NBEA: variants seen among roughly 807,000 people sequenced by gnomAD.
NBEA encodes neurobeachin.
A neutral mutation model predicts 343.4 loss-of-function variants in NBEA; 44 were observed. That is an observed-to-expected ratio of 0.13 (90% CI 0.10 to 0.16). NBEA has a LOEUF of 0.16. Ranked by LOEUF, NBEA falls within the 10% of genes least tolerant of loss-of-function variation. NBEA has a pLI of 1.00. For missense variants in NBEA, 2,555 were observed against 3,631.3 expected, an observed-to-expected ratio of 0.70 and a Z score of 7.62; for synonymous variants, 1,175 against 1,238.7, an observed-to-expected ratio of 0.95 and a Z score of 1.08.
intron 1 of NBEA, among the ~76,000 whole-genome samples, chr13:35,028,947 CTTCA>C (rs935734972): frequency 6.6e-6 from 1 of 151,584 alleles, no homozygotes; most frequent in Non-Finnish European, 1.5e-5. Flanking sequence ...TGTATCAGAA[CTTCA>C]TTCATTTTTA....
At chr13:35,492,187 C>A (rs892562849) in intron 41 of NBEA, among the ~76,000 whole-genome samples, 1 of 151,820 alleles carries the variant, frequency 6.6e-6, no homozygotes, top group Non-Finnish European at 1.5e-5. Context: ...AGTTTGGGAA[C>A]TCAGGGGGAA....
chr13:35,076,085 G>GTGGT (rs2064103676), intron 10 of NBEA, among the ~76,000 whole-genome samples: 1 of 151,738 alleles, frequency 6.6e-6, no homozygotes, highest in African/African-American at 2.4e-5. Flanking sequence ...TATGGAGGTG[G>GTGGT]TGGTTCTTAT....
chr13:35,448,774 GTGAACT>G (rs1484904125), intron 39 of NBEA, among the ~76,000 whole-genome samples: 1 of 146,824 alleles, frequency 6.8e-6, no homozygotes, highest in Non-Finnish European at 1.5e-5. Flanking sequence ...GGGTGGTGGG[GTGAACT>G]TGAACTTCAG....
chr13:35,470,167 A>G (rs1447447426), intron 40 of NBEA, among the ~76,000 whole-genome samples: 2 of 152,230 alleles, frequency 1.3e-5, no homozygotes, highest in Non-Finnish European at 2.9e-5. Context: ...TCTTTCTTAA[A>G]GAAAGACCAG....
At chr13:35,518,753 C>T (rs1387225006) in intron 41 of NBEA, among the ~76,000 whole-genome samples, 1 of 152,096 alleles carries the variant, frequency 6.6e-6, no homozygotes, top group African/African-American at 2.4e-5. Context: ...GCAGCAGTCA[C>T]AAGATCCCAA....
At chr13:35,099,380 A>G (rs1263268201) in intron 11 of NBEA, among the ~76,000 whole-genome samples, 2 of 151,774 alleles carry the variant, frequency 1.3e-5, no homozygotes, top group African/African-American at 4.8e-5. Context: ...TTGTATTTTT[A>G]GTAGAGACAG....
intron 38 of NBEA, among the ~76,000 whole-genome samples, chr13:35,429,165 C>T (rs1368273362): frequency 6.6e-6 from 1 of 152,204 alleles, no homozygotes; most frequent in African/African-American, 2.4e-5. Context: ...ACATGGTCTC[C>T]ACTGACTCCA....
chr13:35,418,126 A>G (rs1243310104), intron 38 of NBEA, among the ~76,000 whole-genome samples: 1 of 152,136 alleles, frequency 6.6e-6, no homozygotes, highest in South Asian at 2.1e-4. Flanking sequence ...TTTTGAGCCT[A>G]TGTGTGTGTC....
rs1007481790 is a variant in NBEA, at chr13:35,220,343, A to C, written c.5648+9164A>C. ...TCTGAATGTCTGACCTCCACCTAGTATCATATTTCTTCTTCTGAAAGAACG... is the reference window on the plus strand; with the variant it reads ...TCTGAATGTCTGACCTCCACCTAGTCTCATATTTCTTCTTCTGAAAGAACG... On this transcript the variant is annotated intron_variant, in intron 33 of 58. Transcript: ENST00000379939. Among the ~76,000 whole-genome samples, 5 of 152,080 alleles carry C rather than the reference A, an allele frequency of 3.3e-5. No individual in the cohort carries two copies. The East Asian group carries it at 7.7e-4, about 24-fold the overall frequency.
chr13:35,657,091 A>G (rs1443723431), intron 55 of NBEA, among the ~76,000 whole-genome samples: 1 of 152,226 alleles, frequency 6.6e-6, no homozygotes, highest in African/African-American at 2.4e-5. Context: ...ATGGCTTTGG[A>G]TGGATAAGAA....
At chr13:35,121,875 G>A (rs2066820000) in intron 16 of NBEA, among the ~76,000 whole-genome samples, 1 of 151,826 alleles carries the variant, frequency 6.6e-6, no homozygotes, top group African/African-American at 2.4e-5. Context: ...CTCAAAATAT[G>A]CCATGGCATT....
At chr13:35,395,430 C>T (rs2042699005) in intron 38 of NBEA, among the ~76,000 whole-genome samples, 1 of 151,958 alleles carries the variant, frequency 6.6e-6, no homozygotes. Context: ...CGCCTTCTGC[C>T]ATGATTTTAA....
At chr13:35,179,940 A>G (rs2071197654) in intron 28 of NBEA, 1 of 275,288 alleles carries the variant, frequency 3.6e-6, no homozygotes, top group African/African-American at 2.3e-5. Context: ...TTGTAAGACA[A>G]AGTATCTCTA....
chr13:35,551,812 A>G lies in NBEA; in HGVS notation c.6806+780A>G, dbSNP rs533649833. Among the ~76,000 whole-genome samples the G allele has an allele frequency of 8.5e-5, 13 of 152,302 alleles. No individual in the cohort carries two copies. In the South Asian group the frequency reaches 2.1e-3, roughly 24 times the overall value. ...CTACATCTTCACACAACTGCATTACAGTAGGAAAAAGACACAAAGGATTTC... is the reference window on the plus strand; with the variant it reads ...CTACATCTTCACACAACTGCATTACGGTAGGAAAAAGACACAAAGGATTTC... On this transcript the variant is annotated intron_variant, in intron 43 of 58. Transcript: ENST00000379939.
intron 35 of NBEA, among the ~76,000 whole-genome samples, chr13:35,308,477 T>TATGTGC (rs2037087226): frequency 7.6e-6 from 1 of 131,296 alleles, no homozygotes; most frequent in African/African-American, 3.0e-5. Flanking sequence ...TATATATGTA[T>TATGTGC]ATATATATGT....
At chr13:34,979,265 C>T (rs1201767075) in intron 1 of NBEA, among the ~76,000 whole-genome samples, 3 of 152,004 alleles carry the variant, frequency 2.0e-5, no homozygotes, top group African/African-American at 7.2e-5. Flanking sequence ...CACAGTGGTT[C>T]ACACCTGACT....
chr13:35,270,456 G>A (rs181385045), intron 34 of NBEA, among the ~76,000 whole-genome samples: 54 of 152,304 alleles, frequency 3.5e-4, no homozygotes, highest in Non-Finnish European at 5.7e-4. Context: ...GAGGTACCTC[G>A]TTCATCTCAC....
intron 41 of NBEA, chr13:35,476,476 C>G (rs1189641927): frequency 1.3e-6 from 1 of 772,178 alleles, no homozygotes; most frequent in Non-Finnish European, 2.2e-6. Context: ...ATGGAGAGAT[C>G]ACCTTCTCAG....
intron 41 of NBEA, among the ~76,000 whole-genome samples, chr13:35,481,852 C>T (rs2076133428): frequency 6.6e-6 from 1 of 151,730 alleles, no homozygotes; most frequent in Non-Finnish European, 1.5e-5. Flanking sequence ...GTGTATATGG[C>T]TACATTTTTA....
Sources: gnomAD v4.1 joint callset for allele counts (sites outside exome capture counted in the v4.1 genomes callset) on GRCh38, gnomAD v4.1.1 for gene constraint, MANE v1.5 for transcripts, NCBI Gene and HGNC (gene_info 2026-07-23, HGNC 2026-07-21) for gene names.